HOMER1: variants seen among roughly 807,000 people sequenced by gnomAD.
HOMER1 encodes homer protein homolog 1.
Under a neutral mutation model 48.9 loss-of-function variants are expected in HOMER1, and 3 were observed. That is an observed-to-expected ratio of 0.06 (90% CI 0.03 to 0.16). The LOEUF is 0.16. Ranked by LOEUF, HOMER1 falls within the 10% of genes least tolerant of loss-of-function variation. The pLI, the probability that HOMER1 is intolerant of heterozygous loss-of-function variation, is 1.00. For missense variants in HOMER1, 247 were observed against 411.4 expected (o/e 0.60, Z 3.46); for synonymous variants, 134 against 146.4 (o/e 0.92, Z 0.61).
At chr5:79,384,797 C>T (rs942399317) in intron 8 of HOMER1, among the ~76,000 whole-genome samples, 6 of 151,836 alleles carry the variant, frequency 4.0e-5, no homozygotes, top group Non-Finnish European at 8.8e-5. Flanking sequence ...AGATGATACA[C>T]CATAATCAAA....
Position 79,428,775 on chromosome 5 carries a change from AAAG to A in HOMER1, c.527+10232_527+10234del, listed in dbSNP as rs143416519. On this transcript the variant is annotated intron_variant, in intron 5 of 8. Transcript: ENST00000334082. ...CCAAACAACATCACTGAAATTAATTAAAGAAGCTCCAAATAAATGGGAAAACAG... is the reference window on the plus strand; with the variant it reads ...CCAAACAACATCACTGAAATTAATTAAAGCTCCAAATAAATGGGAAAACAG... 4.1e-3 allele frequency among the ~76,000 whole-genome samples: 622 copies of A among 152,348 alleles called. 5 individuals carry two copies. Among genetic ancestry groups the A allele is most frequent in the African/African-American group, 0.014 (586 of 41,584 alleles).
intron 1 of HOMER1, among the ~76,000 whole-genome samples, chr5:79,490,431 T>C (rs539383941): frequency 6.6e-6 from 1 of 152,050 alleles, no homozygotes; most frequent in African/African-American, 2.4e-5. Flanking sequence ...CTTTAACCAA[T>C]AAGATGGCTT....
chr5:79,470,924 G>GA (rs1007646987), intron 1 of HOMER1, among the ~76,000 whole-genome samples: 1 of 151,898 alleles, frequency 6.6e-6, no homozygotes, highest in African/African-American at 2.4e-5. Context: ...AAAGCCTAAG[G>GA]AAAAAAATAC....
intron 4 of HOMER1, among the ~76,000 whole-genome samples, chr5:79,439,771 T>A (rs2112276868): frequency 6.6e-6 from 1 of 152,320 alleles, no homozygotes; most frequent in East Asian, 1.9e-4. Flanking sequence ...TTACTTTTCT[T>A]TACAAAATTT....
intron 1 of HOMER1, among the ~76,000 whole-genome samples, chr5:79,479,863 A>T (rs12655609): frequency 0.26 from 39,272 of 152,114 alleles, 5,500 homozygotes; most frequent in East Asian, 0.53. Context: ...GAATTACCGA[A>T]AACCAGCATA....
chr5:79,495,506 AT>A (rs1295319007), intron 1 of HOMER1, among the ~76,000 whole-genome samples: 1 of 152,182 alleles, frequency 6.6e-6, no homozygotes, highest in Non-Finnish European at 1.5e-5. Context: ...AAATCACAGT[AT>A]TGTAATTTTT....
chr5:79,480,972 C>T (rs1751928105), intron 1 of HOMER1, among the ~76,000 whole-genome samples: 1 of 152,288 alleles, frequency 6.6e-6, no homozygotes, highest in South Asian at 2.1e-4. Flanking sequence ...CAAAAAGATA[C>T]TCTTCAACCA....
intron 5 of HOMER1, among the ~76,000 whole-genome samples, chr5:79,436,165 T>TA (rs1018927238): frequency 2.0e-5 from 3 of 150,922 alleles, no homozygotes; most frequent in African/African-American, 4.9e-5. Flanking sequence ...TAAATAAAAA[T>TA]AAAAAAATAA....
In HOMER1 at chr5:79,374,144, C is replaced by T. The variant is rs1748700675; in HGVS notation, c.*1865G>A. On this transcript the variant is annotated 3_prime_UTR_variant, in exon 9 of 9. Transcript: ENST00000334082. ...ACTCAGAAACTGATGGATAAAAACA[C>T]ATTTACTTCAAAATTCCATCAATCA... The T allele has an allele frequency of 6.6e-6, 1 of 152,346 alleles. No individual in the cohort carries two copies. Among genetic ancestry groups the T allele is most frequent in the South Asian group, 2.1e-4 (1 of 4,832 alleles). The allele number at this position is 152,346 out of a possible 1,614,324, so 9.4% of individuals were successfully genotyped here. A position where few individuals can be genotyped will look rare whatever the true frequency, so the allele number is the denominator to read the frequency against.
intron 5 of HOMER1, among the ~76,000 whole-genome samples, chr5:79,423,391 A>G (rs1010222080): frequency 2.0e-5 from 3 of 152,196 alleles, no homozygotes; most frequent in Non-Finnish European, 4.4e-5. Context: ...TCAGGATACT[A>G]TGAAGCTATG....
At chr5:79,451,635 G>T (rs559603533) in intron 2 of HOMER1, among the ~76,000 whole-genome samples, 1 of 136,566 alleles carries the variant, frequency 7.3e-6, no homozygotes, top group South Asian at 2.3e-4. Context: ...GCGTGATCTC[G>T]GCTAACTGCA....
intron 1 of HOMER1, among the ~76,000 whole-genome samples, chr5:79,486,035 C>G (rs1320111847): frequency 2.0e-5 from 3 of 152,188 alleles, no homozygotes; most frequent in Non-Finnish European, 4.4e-5. Context: ...AGGATACTCA[C>G]TCTTAGAACC....
chr5:79,388,452 G>A (rs1395437779), intron 8 of HOMER1, among the ~76,000 whole-genome samples: 1 of 151,956 alleles, frequency 6.6e-6, no homozygotes, highest in South Asian at 2.1e-4. Flanking sequence ...TATTACAAAA[G>A]GAAATAGAAA....
intron 3 of HOMER1, among the ~76,000 whole-genome samples, chr5:79,449,186 T>C (rs1750963848): frequency 6.6e-6 from 1 of 152,210 alleles, no homozygotes; most frequent in African/African-American, 2.4e-5. Flanking sequence ...GTTCTTGTAT[T>C]GTCAAGTTAA....
intron 1 of HOMER1, among the ~76,000 whole-genome samples, chr5:79,482,055 C>G (rs1463117107): frequency 6.6e-6 from 1 of 151,848 alleles, no homozygotes; most frequent in Non-Finnish European, 1.5e-5. Context: ...CCCATCTCTC[C>G]TAAAAATACA....
chr5:79,395,482 C>T (rs911404177), intron 8 of HOMER1, among the ~76,000 whole-genome samples: 2 of 152,068 alleles, frequency 1.3e-5, no homozygotes, highest in Non-Finnish European at 2.9e-5. Flanking sequence ...CAAAAGTGCC[C>T]CAAGTTGATG....
At chr5:79,500,963 GACAC>G (rs140189642) in intron 1 of HOMER1, among the ~76,000 whole-genome samples, 2,636 of 101,616 alleles carry the variant, frequency 0.026, 51 homozygotes, top group Non-Finnish European at 0.042. Flanking sequence ...GAGACAGACA[GACAC>G]ACACACACAC....
chr5:79,495,326 T>C (rs1395389603), intron 1 of HOMER1, among the ~76,000 whole-genome samples: 1 of 152,140 alleles, frequency 6.6e-6, no homozygotes, highest in Non-Finnish European at 1.5e-5. Flanking sequence ...CTACCTAAAA[T>C]ACCCTAACAA....
intron 1 of HOMER1, among the ~76,000 whole-genome samples, chr5:79,506,611 C>A (rs1447982776): frequency 1.3e-5 from 2 of 152,086 alleles, no homozygotes; most frequent in Non-Finnish European, 2.9e-5. Flanking sequence ...GCAAGGCAGA[C>A]GGATCACTTG....
Sources: gnomAD v4.1 joint callset for allele counts (sites outside exome capture counted in the v4.1 genomes callset) on GRCh38, gnomAD v4.1.1 for gene constraint, MANE v1.5 for transcripts, NCBI Gene and HGNC (gene_info 2026-07-23, HGNC 2026-07-21) for gene names.